Variants in PLA2G4A observed in about 807,000 individuals in gnomAD.
PLA2G4A encodes the protein cytosolic phospholipase A2.
PLA2G4A carries 40 observed loss-of-function variants against 81.9 expected under a neutral mutation model. That is an observed-to-expected ratio of 0.49 (90% confidence interval 0.38 to 0.64). The LOEUF is 0.64. Among genes scored for constraint, PLA2G4A ranks in the 30% least tolerant of loss-of-function variants. The pLI is 0.00. For missense variants in PLA2G4A, 715 were observed against 905.1 expected, an observed-to-expected ratio of 0.79 and a Z score of 2.69; for synonymous variants, 302 against 296.9, an observed-to-expected ratio of 1.02 and a Z score of -0.18.
chr1:186,875,584 T>C (rs1441880047), intron 3 of PLA2G4A, among the ~76,000 whole-genome samples: 2 of 152,030 alleles, frequency 1.3e-5, no homozygotes, highest in Non-Finnish European at 2.9e-5. Flanking sequence ...TTTACAAATA[T>C]ATTCTTTCCC....
chr1:186,911,417 T>A, intron 7 of PLA2G4A, 28 bp downstream of exon 7: 1 of 1,504,150 alleles, frequency 6.6e-7, no homozygotes, highest in African/African-American at 1.4e-5. Flanking sequence ...CAAGTGTTAC[T>A]ATACTTTAAT....
rs750655561 is a variant in PLA2G4A at position 186,837,736 on chromosome 1, CA to C, written c.-70+8717del. ...TGGGCGACAGAGAGAGACTCCGTCT[CA>C]AAAAAAAAAAAAAAAGAAAAAGAAA... On this transcript the variant is annotated intron_variant, in intron 1 of 17. Coordinates refer to ENST00000367466, the MANE Select transcript of PLA2G4A (RefSeq NM_024420.3). Among the ~76,000 whole-genome samples the C allele has an allele frequency of 2.6e-3, 142 of 55,214 alleles. 1 individual carries two copies. Among genetic ancestry groups the C allele is most frequent in the African/African-American group, 5.8e-3 (76 of 13,060 alleles). 36.2% of individuals were successfully genotyped at this position (55,214 alleles called of 152,430 possible).
intron 3 of PLA2G4A, among the ~76,000 whole-genome samples, chr1:186,871,766 TTAAGTAG>T (rs1221066854): frequency 1.3e-5 from 2 of 152,098 alleles, no homozygotes; most frequent in African/African-American, 4.8e-5. Flanking sequence ...TTGATGGCAT[TTAAGTAG>T]TAAGTCACAC....
At chr1:186,951,515 C>CT (rs1656561509) in intron 13 of PLA2G4A, among the ~76,000 whole-genome samples, 1 of 151,680 alleles carries the variant, frequency 6.6e-6, no homozygotes, top group East Asian at 1.9e-4. Context: ...AAAGGGAAGG[C>CT]TTTATAAGAA....
chr1:186,932,080 A>G (rs908631418), intron 7 of PLA2G4A, among the ~76,000 whole-genome samples: 2 of 152,158 alleles, frequency 1.3e-5, no homozygotes, highest in African/African-American at 4.8e-5. Flanking sequence ...TTGCAAAACC[A>G]GCAAATACTT....
chr1:186,915,947 C>T (rs1030463914), intron 7 of PLA2G4A, among the ~76,000 whole-genome samples: 8 of 152,220 alleles, frequency 5.3e-5, no homozygotes, highest in African/African-American at 1.9e-4. Flanking sequence ...GCCAGGAATT[C>T]ATCAGGAACT....
At chr1:186,941,450 G>A (rs1261199558) in intron 10 of PLA2G4A, among the ~76,000 whole-genome samples, 2 of 152,138 alleles carry the variant, frequency 1.3e-5, no homozygotes, top group Non-Finnish European at 2.9e-5. Flanking sequence ...TCATGCTTAT[G>A]GTTCAGAACG....
At chr1:186,850,787 A>G (rs1558360322) in intron 1 of PLA2G4A, among the ~76,000 whole-genome samples, 1 of 152,008 alleles carries the variant, frequency 6.6e-6, no homozygotes, top group African/African-American at 2.4e-5. Flanking sequence ...TAGGGCCACA[A>G]AGTTTCATGG....
chr1:186,883,899 G>A (rs1456125323), intron 3 of PLA2G4A, among the ~76,000 whole-genome samples: 3 of 152,114 alleles, frequency 2.0e-5, no homozygotes, highest in African/African-American at 7.2e-5. Flanking sequence ...GAAGCAGTAA[G>A]TGTAGACTAT....
intron 2 of PLA2G4A, among the ~76,000 whole-genome samples, chr1:186,858,483 T>C (rs897253754): frequency 6.6e-6 from 1 of 152,106 alleles, no homozygotes; most frequent in African/African-American, 2.4e-5. Context: ...GTTTGAGTTC[T>C]TTGTAGATTC....
At position 186,977,755 on chromosome 1, in the gene PLA2G4A, G is replaced by A. The variant is rs753662765; in HGVS notation, c.1927G>A (p.Ala643Thr). 4 of 1,613,320 alleles carry A rather than the reference G, an allele frequency of 2.5e-6. No individual in the cohort carries two copies. The highest frequency in any genetic ancestry group is 3.4e-6 in the Non-Finnish European group (4 of 1,179,428). The change falls in exon 16 of 18, where the codon GCC becomes ACC. Residue 643 changes from alanine (A) to threonine (T), a missense_variant. Ala to Thr is a moderately conservative substitution (Grantham distance 58, BLOSUM62 0). Coordinates refer to ENST00000367466, the MANE Select transcript of PLA2G4A (RefSeq NM_024420.3). ...CCCAACCATCATCCACTTTGTTCTG[G>A]CCAACATCAACTTCAGAAAGTACAG... is the stretch of plus-strand genomic sequence containing the variant. ...DCPTIIHFVL[A>T]NINFRKYRAP...
At chr1:186,972,048 C>A (rs1007374131) in intron 15 of PLA2G4A, among the ~76,000 whole-genome samples, 2 of 151,932 alleles carry the variant, frequency 1.3e-5, no homozygotes, top group Non-Finnish European at 2.9e-5. Flanking sequence ...CATATTTTGT[C>A]AAGAAGATAC....
At chr1:186,901,847 T>TG (rs1202324395) in intron 5 of PLA2G4A, among the ~76,000 whole-genome samples, 3 of 152,138 alleles carry the variant, frequency 2.0e-5, no homozygotes, top group Non-Finnish European at 4.4e-5. Flanking sequence ...TGTGTGGGTT[T>TG]GGGGGGTGGA....
chr1:186,918,381 T>C (rs908635141), intron 7 of PLA2G4A, among the ~76,000 whole-genome samples: 3 of 152,188 alleles, frequency 2.0e-5, no homozygotes, highest in African/African-American at 7.2e-5. Flanking sequence ...CCTTATATAA[T>C]GCTCCATGCA....
Position 186,988,946 on chromosome 1 carries a change from T to C in PLA2G4A, c.*438T>C, listed in dbSNP as rs1192598535. Reference sequence around the variant, plus strand: ...ATTTTTATTTATATATGCATATATATACATACATGAAATAAATACATCAAT... The same window carrying C: ...ATTTTTATTTATATATGCATATATACACATACATGAAATAAATACATCAAT... On this transcript the variant is annotated 3_prime_UTR_variant, in exon 18 of 18. Coordinates refer to ENST00000367466, the MANE Select transcript of PLA2G4A (RefSeq NM_024420.3). 1 of 155,608 alleles carries C rather than the reference T, an allele frequency of 6.4e-6. No individual in the cohort carries two copies. The highest frequency in any genetic ancestry group is 2.4e-5 in the African/African-American group (1 of 41,444). The allele number at this position is 155,608 out of a possible 1,614,324, so 9.6% of individuals were successfully genotyped here.
At chr1:186,895,669 G>T (rs1265003494) in intron 5 of PLA2G4A, among the ~76,000 whole-genome samples, 1 of 152,198 alleles carries the variant, frequency 6.6e-6, no homozygotes. Context: ...GTACCAATGA[G>T]ACATGTATAG....
chr1:186,857,322 T>G (rs1236090581), intron 2 of PLA2G4A, among the ~76,000 whole-genome samples: 3 of 122,414 alleles, frequency 2.5e-5, no homozygotes, highest in Non-Finnish European at 3.2e-5. Context: ...ATATGTAATA[T>G]AATATAAATA....
chr1:186,977,597 T>G lies in PLA2G4A; in HGVS notation c.1769T>G (p.Leu590Arg). 1 of 1,609,140 alleles carries G rather than the reference T, an allele frequency of 6.2e-7. No homozygotes were observed. Among genetic ancestry groups the G allele is most frequent in the Non-Finnish European group, 8.5e-7 (1 of 1,175,484 alleles). The change falls in exon 16 of 18, where the codon CTT becomes CGT. Residue 590 changes from leucine (L) to arginine (R), a missense_variant. By Grantham distance (102) the Leu-to-Arg change is moderately radical. Coordinates refer to ENST00000367466, the MANE Select transcript of PLA2G4A (RefSeq NM_024420.3). ...PSDSSPPFKE[L>R]LLAEKWAKMN... is the part of the protein sequence containing the mutation. ...ATCTTTCCATCTTTCCCATAGGAAC[T>G]TCTACTTGCAGAAAAGTGGGCTAAA...
At chr1:186,946,332 G>A (rs10911964) in intron 10 of PLA2G4A, among the ~76,000 whole-genome samples, 145,831 of 152,230 alleles carry the variant, frequency 0.96, 69,898 homozygotes, top group East Asian at 1. Flanking sequence ...TCAGTTTCCT[G>A]TTCTGTAGAA....
Sources: gnomAD v4.1 joint callset for allele counts (sites outside exome capture counted in the v4.1 genomes callset) on GRCh38, gnomAD v4.1.1 for gene constraint, MANE v1.5 for transcripts, NCBI Gene and HGNC (gene_info 2026-07-23, HGNC 2026-07-21) for gene names.